The following PITPNC1 variants were observed in gnomAD, a reference collection of about 807,000 sequenced individuals.
PITPNC1 encodes the protein phosphatidylinositol transfer protein cytoplasmic 1.
A neutral mutation model predicts 44.7 loss-of-function variants in PITPNC1; 18 were observed. The ratio of observed to expected loss-of-function variants is 0.40; its 90% CI spans 0.28 to 0.60. The LOEUF is 0.60. Among genes scored for constraint, PITPNC1 ranks in the 20% least tolerant of loss-of-function variants. The probability of loss-of-function intolerance (pLI) is 0.39; values close to 1 mark genes in which losing one functional copy is unlikely to be tolerated. For synonymous variants in PITPNC1, 141 were observed against 149.6 expected (o/e 0.94, Z 0.42); for missense variants, 290 against 418.4 (o/e 0.69, Z 2.68).
intron 6 of PITPNC1, among the ~76,000 whole-genome samples, chr17:67,666,331 A>G (rs1409897504): frequency 2.6e-5 from 4 of 152,134 alleles, no homozygotes; most frequent in African/African-American, 9.7e-5. Context: ...AAGGAGAATC[A>G]GGCAGAGTGC....
At chr17:67,691,603 T>G (rs1381320325) in intron 8 of PITPNC1, among the ~76,000 whole-genome samples, 2 of 152,230 alleles carry the variant, frequency 1.3e-5, no homozygotes, top group Non-Finnish European at 2.9e-5. Context: ...CTGAATTTAT[T>G]AAAACACAAT....
At chr17:67,404,656 T>C (rs1292606991) in intron 1 of PITPNC1, among the ~76,000 whole-genome samples, 1 of 152,236 alleles carries the variant, frequency 6.6e-6, no homozygotes, top group Non-Finnish European at 1.5e-5. Context: ...AAAGATATTT[T>C]CAAAATATAT....
chr17:67,622,727 T>C (rs1006519314), intron 5 of PITPNC1, among the ~76,000 whole-genome samples: 1 of 151,852 alleles, frequency 6.6e-6, no homozygotes, highest in Non-Finnish European at 1.5e-5. Context: ...AATACAAAAA[T>C]TAGCCAGGTG....
rs189228089 is a variant in PITPNC1 at position 67,654,106 on chromosome 17, C to G, written c.463-15402C>G. 1.5e-3 allele frequency among the ~76,000 whole-genome samples: 236 copies of G among 152,298 alleles called. 1 individual carries two copies. Among genetic ancestry groups the G allele is most frequent in the African/African-American group, 5.5e-3 (228 of 41,568 alleles). On this transcript the variant is annotated intron_variant, in intron 6 of 8. Coordinates refer to ENST00000581322, the MANE Select transcript of PITPNC1 (RefSeq NM_012417.4). ...GCTCTCTGCTTTCGTCCACTTGGAACAGAGTGTTCCTGCCTCTGAAACATA... is the reference window on the plus strand; with the variant it reads ...GCTCTCTGCTTTCGTCCACTTGGAAGAGAGTGTTCCTGCCTCTGAAACATA...
rs190479287 is a variant in PITPNC1, at chr17:67,413,080, C to G, written c.48+34878C>G. 2.0e-5 allele frequency among the ~76,000 whole-genome samples: 3 copies of G among 152,264 alleles called. No individual in the cohort carries two copies. The East Asian group carries it at 5.8e-4, about 29-fold the overall frequency. ...AGAGATTACATTAGGAATTAAATTT[C>G]TTGTTCCTCTTTTTCTGATATGAAA... On this transcript the variant is annotated intron_variant, in intron 1 of 8. Transcript: ENST00000581322.
At chr17:67,584,650 C>T (rs1265348851) in intron 5 of PITPNC1, among the ~76,000 whole-genome samples, 1 of 152,148 alleles carries the variant, frequency 6.6e-6, no homozygotes. Flanking sequence ...AAATAAGAGA[C>T]ATGATTACTG....
chr17:67,446,214 G>C (rs2039091681), intron 1 of PITPNC1, among the ~76,000 whole-genome samples: 1 of 151,924 alleles, frequency 6.6e-6, no homozygotes, highest in African/African-American at 2.4e-5. Context: ...CAAAGTGCTA[G>C]GATTACAGGC....
At position 67,599,037 on chromosome 17, in the gene PITPNC1, T is replaced by A. The variant is rs962235913; in HGVS notation, c.366+20780T>A. Among the ~76,000 whole-genome samples, 459 of 77,460 alleles carry A rather than the reference T, an allele frequency of 5.9e-3. 1 individual carries two copies. The highest frequency in any genetic ancestry group is 7.6e-3 in the Non-Finnish European group (287 of 37,644). The allele number at this position is 77,460 out of a possible 152,430, so 50.8% of individuals were successfully genotyped here. On this transcript the variant is annotated intron_variant, in intron 5 of 8. Coordinates refer to ENST00000581322, the MANE Select transcript of PITPNC1 (RefSeq NM_012417.4). ...ATATATATATATATATATATATATTTTTTTTTTTTTTTTTTTTACCATGTT... is the reference window on the plus strand; with the variant it reads ...ATATATATATATATATATATATATTATTTTTTTTTTTTTTTTTACCATGTT...
At chr17:67,542,895 G>C (rs1270386436) in intron 2 of PITPNC1, among the ~76,000 whole-genome samples, 1 of 152,160 alleles carries the variant, frequency 6.6e-6, no homozygotes, top group Non-Finnish European at 1.5e-5. Context: ...TTGCTCAAAG[G>C]GGAGTTAGAG....
At chr17:67,501,081 C>A (rs558625922) in intron 1 of PITPNC1, among the ~76,000 whole-genome samples, 8 of 152,254 alleles carry the variant, frequency 5.3e-5, no homozygotes, top group Non-Finnish European at 8.8e-5. Context: ...CACCAGTAAA[C>A]AACATTTATT....
At position 67,649,159 on chromosome 17, in the gene PITPNC1, C is replaced by A. The variant is rs920653787; in HGVS notation, c.462+16921C>A. On this transcript the variant is annotated intron_variant, in intron 6 of 8. Coordinates refer to ENST00000581322, the MANE Select transcript of PITPNC1 (RefSeq NM_012417.4). ...ACAGAGTGAGACCCTGACACACACA[C>A]AAAAAATAGTTGACTGTTTGCTGAG... 1.4e-4 allele frequency among the ~76,000 whole-genome samples: 22 copies of A among 152,228 alleles called. 1 individual carries two copies. Among genetic ancestry groups the A allele is most frequent in the Middle Eastern group, 3.4e-3 (1 of 294 alleles).
intron 6 of PITPNC1, among the ~76,000 whole-genome samples, chr17:67,645,273 G>A (rs530064705): frequency 1.3e-5 from 2 of 151,742 alleles, no homozygotes; most frequent in African/African-American, 4.8e-5. Context: ...CCCTGAAGGC[G>A]GAGGTTGCGG....
chr17:67,558,843 C>T (rs1598819486), intron 4 of PITPNC1, among the ~76,000 whole-genome samples: 1 of 152,092 alleles, frequency 6.6e-6, no homozygotes, highest in Admixed American at 6.6e-5. Flanking sequence ...ATGACTCTTT[C>T]ATGAGAACCT....
chr17:67,692,543 C>T (rs752812741), intron 8 of PITPNC1, 29 bp from the exon 9 acceptor site: 7 of 1,535,552 alleles, frequency 4.6e-6, no homozygotes, highest in East Asian at 2.3e-5. Context: ...AATAACTGCT[C>T]GTTTTTCTTT....
chr17:67,569,047 C>T (rs1050922206), intron 4 of PITPNC1, among the ~76,000 whole-genome samples: 2 of 151,984 alleles, frequency 1.3e-5, no homozygotes, highest in Non-Finnish European at 2.9e-5. Flanking sequence ...AGACCCATCC[C>T]CAGGGCCCCC....
At chr17:67,479,680 A>G (rs1009513163) in intron 1 of PITPNC1, among the ~76,000 whole-genome samples, 7 of 152,156 alleles carry the variant, frequency 4.6e-5, no homozygotes, top group African/African-American at 1.7e-4. Context: ...TGAAGGGAAG[A>G]AAAAAATAAA....
chr17:67,420,618 G>T (rs1024830773), intron 1 of PITPNC1, among the ~76,000 whole-genome samples: 5 of 151,920 alleles, frequency 3.3e-5, no homozygotes, highest in African/African-American at 1.2e-4. Context: ...TTTTAGTAGA[G>T]ACGGGGTTTT....
intron 1 of PITPNC1, among the ~76,000 whole-genome samples, chr17:67,477,241 C>CTTTTT (rs3052411): frequency 2.1e-5 from 2 of 97,014 alleles, no homozygotes; most frequent in Non-Finnish European, 4.0e-5. Context: ...ACACCCAGCT[C>CTTTTT]TTTTTTTTTT....
chr17:67,411,196 TCCTGCCCATAATGATGAGACA>T (rs1477800065), intron 1 of PITPNC1, among the ~76,000 whole-genome samples: 2 of 151,946 alleles, frequency 1.3e-5, no homozygotes, highest in Non-Finnish European at 2.9e-5. Context: ...TAAGACAGAA[TCCTGCCCATAATGATGAGACA>T]CCTGCCCTAT....
Sources: gnomAD v4.1 joint callset for allele counts (sites outside exome capture counted in the v4.1 genomes callset) on GRCh38, gnomAD v4.1.1 for gene constraint, MANE v1.5 for transcripts, NCBI Gene and HGNC (gene_info 2026-07-23, HGNC 2026-07-21) for gene names.